The following TRPS1 variants were observed in gnomAD, a reference collection of about 807,000 sequenced individuals.
TRPS1 encodes transcriptional repressor GATA binding 1.
Under a neutral mutation model 101.2 loss-of-function variants are expected in TRPS1, and 6 were observed. The observed-to-expected ratio is 0.06, with a 90% confidence interval of 0.03 to 0.12. The LOEUF (loss-of-function observed/expected upper bound fraction) is 0.12, where lower values mean the gene tolerates loss of function less well. Among genes scored for constraint, TRPS1 ranks in the 10% least tolerant of loss-of-function variants. The pLI, the probability that TRPS1 is intolerant of heterozygous loss-of-function variation, is 1.00. For missense variants in TRPS1, 1,363 were observed against 1,567.0 expected, an observed-to-expected ratio of 0.87 and a Z score of 2.20; for synonymous variants, 578 against 589.8, an observed-to-expected ratio of 0.98 and a Z score of 0.29.
intron 4 of TRPS1, among the ~76,000 whole-genome samples, chr8:115,589,827 A>C (rs1335145393): frequency 6.6e-6 from 1 of 152,168 alleles, no homozygotes; most frequent in Non-Finnish European, 1.5e-5. Context: ...TATCAAAAAC[A>C]CATTCTAGGC....
chr8:115,522,229 T>C (rs1367597957), intron 5 of TRPS1, among the ~76,000 whole-genome samples: 2 of 151,960 alleles, frequency 1.3e-5, no homozygotes, highest in Non-Finnish European at 1.5e-5. Flanking sequence ...TTTCCCACAA[T>C]AATAAAGTGT....
intron 3 of TRPS1, among the ~76,000 whole-genome samples, chr8:115,615,100 T>C (rs1281765628): frequency 1.3e-5 from 2 of 152,194 alleles, no homozygotes; most frequent in Non-Finnish European, 2.9e-5. Context: ...ACTTGGTAAG[T>C]TAATCATGTG....
At chr8:115,526,655 T>C (rs1408257378) in intron 5 of TRPS1, among the ~76,000 whole-genome samples, 1 of 152,116 alleles carries the variant, frequency 6.6e-6, no homozygotes, top group Non-Finnish European at 1.5e-5. Context: ...ATGCCTTATA[T>C]AGAAATGGCA....
At chr8:115,661,045 A>G (rs1397900670) in intron 1 of TRPS1, among the ~76,000 whole-genome samples, 1 of 152,076 alleles carries the variant, frequency 6.6e-6, no homozygotes, top group Non-Finnish European at 1.5e-5. Flanking sequence ...GGTAGCCCAT[A>G]AAGTGATATA....
intron 5 of TRPS1, among the ~76,000 whole-genome samples, chr8:115,457,624 T>G (rs1195846012): frequency 6.6e-6 from 1 of 152,192 alleles, no homozygotes; most frequent in Non-Finnish European, 1.5e-5. Flanking sequence ...TGATGTGTAT[T>G]TCACCACAAT....
chr8:115,622,629 C>T (rs1355042145), intron 2 of TRPS1, among the ~76,000 whole-genome samples: 2 of 152,120 alleles, frequency 1.3e-5, no homozygotes, highest in Non-Finnish European at 2.9e-5. Flanking sequence ...TCTTCCCTTA[C>T]TGAATAACTA....
At chr8:115,499,947 CTTTCTTTCTTTCTTTCTTTT>C in intron 5 of TRPS1, among the ~76,000 whole-genome samples, 1 of 66,890 alleles carries the variant, frequency 1.5e-5, no homozygotes, top group South Asian at 5.9e-4. Flanking sequence ...TTCTTTCTTT[CTTTCTTTCTTTCTTTCTTTT>C]CTTTTCTTTT....
intron 5 of TRPS1, among the ~76,000 whole-genome samples, chr8:115,437,703 G>T (rs1813491135): frequency 6.6e-6 from 1 of 152,102 alleles, no homozygotes; most frequent in Non-Finnish European, 1.5e-5. Context: ...ATAGGATTGG[G>T]GGGGCAGGGG....
At chr8:115,545,228 G>A (rs576002485) in intron 5 of TRPS1, among the ~76,000 whole-genome samples, 3 of 152,232 alleles carry the variant, frequency 2.0e-5, no homozygotes, top group Admixed American at 2.0e-4. Context: ...ACTGATGACC[G>A]AGTATGCTGA....
intron 5 of TRPS1, among the ~76,000 whole-genome samples, chr8:115,521,348 T>C (rs1815856013): frequency 4.0e-5 from 6 of 151,808 alleles, no homozygotes; most frequent in Admixed American, 2.6e-4. Context: ...CTTGTATTGA[T>C]TCGTTTGTGC....
intron 5 of TRPS1, among the ~76,000 whole-genome samples, chr8:115,445,365 T>C (rs1256370818): frequency 6.6e-6 from 1 of 152,222 alleles, no homozygotes; most frequent in Non-Finnish European, 1.5e-5. Flanking sequence ...TATGCTGTCT[T>C]CCTACTTATC....
At chr8:115,458,297 T>C (rs929767822) in intron 5 of TRPS1, among the ~76,000 whole-genome samples, 4 of 152,188 alleles carry the variant, frequency 2.6e-5, no homozygotes, top group African/African-American at 7.2e-5. Context: ...GTATGGTATA[T>C]ATGAATCTAA....
intron 5 of TRPS1, among the ~76,000 whole-genome samples, chr8:115,421,946 A>AT (rs1436519612): frequency 6.6e-6 from 1 of 152,182 alleles, no homozygotes; most frequent in Non-Finnish European, 1.5e-5. Flanking sequence ...CCTGTGCCCT[A>AT]TTTTCAAAAA....
At chr8:115,562,011 G>A (rs754866681) in intron 5 of TRPS1, among the ~76,000 whole-genome samples, 2 of 151,926 alleles carry the variant, frequency 1.3e-5, no homozygotes, top group South Asian at 2.1e-4. Context: ...TTCCCAGTAC[G>A]TGTATAAATG....
intron 5 of TRPS1, among the ~76,000 whole-genome samples, chr8:115,497,311 T>C (rs1380519068): frequency 6.6e-6 from 1 of 152,202 alleles, no homozygotes; most frequent in African/African-American, 2.4e-5. Context: ...AAGTTCACAA[T>C]AGGGTTTACT....
intron 5 of TRPS1, among the ~76,000 whole-genome samples, chr8:115,447,078 T>C (rs912452126): frequency 1.3e-5 from 2 of 152,178 alleles, no homozygotes; most frequent in Admixed American, 1.3e-4. Flanking sequence ...CAGGAACCTG[T>C]ATTTTTAGCC....
chr8:115,555,877 A>AAC (rs1816807408), intron 5 of TRPS1, among the ~76,000 whole-genome samples: 5 of 151,900 alleles, frequency 3.3e-5, no homozygotes, highest in African/African-American at 1.2e-4. Context: ...ACAAAAAAAA[A>AAC]AGCCAGGCAT....
chr8:115,601,185 A>G (rs1817899608), intron 4 of TRPS1, among the ~76,000 whole-genome samples: 1 of 152,206 alleles, frequency 6.6e-6, no homozygotes, highest in Admixed American at 6.5e-5. Flanking sequence ...TAAGTCTTCT[A>G]TATAAAGCAC....
intron 1 of TRPS1, among the ~76,000 whole-genome samples, chr8:115,667,675 C>T (rs972679478): frequency 1.3e-5 from 2 of 152,234 alleles, no homozygotes; most frequent in Admixed American, 6.5e-5. Flanking sequence ...TCCTGAGCCG[C>T]TCTGAGGCGG....
Sources: gnomAD v4.1 joint callset for allele counts (sites outside exome capture counted in the v4.1 genomes callset) on GRCh38, gnomAD v4.1.1 for gene constraint, MANE v1.5 for transcripts, NCBI Gene and HGNC (gene_info 2026-07-23, HGNC 2026-07-21) for gene names.